The following KCNQ1 variants were observed in gnomAD, a reference collection of about 807,000 sequenced individuals.
The protein encoded by KCNQ1 is potassium voltage-gated channel subfamily KQT member 1.
KCNQ1 carries 49 observed loss-of-function variants against 72.4 expected under a neutral mutation model. That is an observed-to-expected ratio of 0.68 (90% confidence interval 0.54 to 0.86). KCNQ1 has a LOEUF of 0.86. KCNQ1 is among the 40% of genes least tolerant of loss of function. The pLI is 0.00. For missense variants in KCNQ1, 790 were observed against 945.1 expected (o/e 0.84, Z 2.15); for synonymous variants, 450 against 412.6 (o/e 1.09, Z -1.10).
chr11:2,708,364 C>T (rs547716957), intron 11 of KCNQ1, among the ~76,000 whole-genome samples: 1 of 152,318 alleles, frequency 6.6e-6, no homozygotes, highest in South Asian at 2.1e-4. Context: ...CACTTAGGCA[C>T]GTGGTCCTGA....
Position 2,507,804 on chromosome 11 carries a change from G to A in KCNQ1, c.387-20124G>A, listed in dbSNP as rs531647330. On this transcript the variant is annotated intron_variant, in intron 1 of 15. Transcript: ENST00000155840. The surrounding 1 kb of genome is among the most constrained non-coding windows in gnomAD (Gnocchi z 5.4). ...GGTGGGTGGAAGGGCAGAGGGCAAG[G>A]GCCAAGTGATGGCAGCTGTGGAGGC... Among the ~76,000 whole-genome samples, 83 of 152,180 alleles carry A rather than the reference G, an allele frequency of 5.5e-4. No individual in the cohort carries two copies. The highest frequency in any genetic ancestry group is 1.6e-3 in the African/African-American group (68 of 41,518).
At chr11:2,835,403 A>T (rs946605675) in intron 15 of KCNQ1, among the ~76,000 whole-genome samples, 2 of 19,702 alleles carry the variant, frequency 1.0e-4, no homozygotes, top group East Asian at 2.5e-3. Flanking sequence ...TGACTCACAC[A>T]CACACACACA....
chr11:2,500,408 C>T (rs1015334852), intron 1 of KCNQ1, among the ~76,000 whole-genome samples: 7 of 152,262 alleles, frequency 4.6e-5, no homozygotes, highest in African/African-American at 9.6e-5. Flanking sequence ...GAAATAGGAA[C>T]GCTTTTACAC....
At chr11:2,640,252 C>T in intron 10 of KCNQ1, 3 of 397,188 alleles carry the variant, frequency 7.6e-6, no homozygotes, top group Non-Finnish European at 1.3e-5. Context: ...TGAGATGAAC[C>T]CACTACCTCA....
Position 2,527,979 on chromosome 11 carries a change from G to A in KCNQ1, c.438G>A (p.Glu146=). 6.2e-7 allele frequency: 1 copy of A among 1,614,046 alleles called. No individual in the cohort carries two copies. Among genetic ancestry groups the A allele is most frequent in the African/African-American group, 1.3e-5 (1 of 75,044 alleles). ...CLIFSVLSTI[E]QYAALATGTL... ...TCTTCAGCGTGCTGTCCACCATCGA[G>A]CAGTATGCCGCCCTGGCCACGGGGA... The change falls in exon 2 of 16, where the codon GAG becomes GAA. Residue 146 remains glutamate, a synonymous_variant. Transcript: ENST00000155840.
rs1203916866 is a variant in KCNQ1, at chr11:2,547,227, A to ATTAT, written c.477+19224_477+19227dup. Among the ~76,000 whole-genome samples the ATTAT allele has an allele frequency of 3.9e-5, 6 of 151,948 alleles. No individual in the cohort carries two copies. Among genetic ancestry groups the ATTAT allele is most frequent in the Non-Finnish European group, 7.4e-5 (5 of 67,970 alleles). ...AACATTTGGGTAATTAGGAGGTTGT[A>ATTAT]TTATTTATTTATTTATTTTTGCGAA... On this transcript the variant is annotated intron_variant, in intron 2 of 15. Coordinates refer to ENST00000155840, the MANE Select transcript of KCNQ1 (RefSeq NM_000218.3). This position sits in a 1 kb window ranked among gnomAD's most constrained non-coding sequence, Gnocchi z 4.2.
chr11:2,581,197 G>A (rs1407637078), intron 6 of KCNQ1, among the ~76,000 whole-genome samples: 3 of 152,228 alleles, frequency 2.0e-5, no homozygotes, highest in African/African-American at 7.2e-5. Context: ...TTCTAGGCCC[G>A]TTTCTGGGCC....
chr11:2,634,651 T>C (rs1043261192), intron 10 of KCNQ1: 2 of 152,222 alleles, frequency 1.3e-5, no homozygotes, highest in African/African-American at 4.8e-5. Flanking sequence ...CGTGTGCATG[T>C]GTCTTTATAG....
At chr11:2,470,609 ATACG>A (rs1294984132) in intron 1 of KCNQ1, among the ~76,000 whole-genome samples, 1 of 151,188 alleles carries the variant, frequency 6.6e-6, no homozygotes, top group African/African-American at 2.4e-5. Flanking sequence ...GGGTGTGATG[ATACG>A]TATCCAACCG....
Position 2,710,991 on chromosome 11 carries a change from A to G in KCNQ1, c.1514+48910A>G, listed in dbSNP as rs1349803516. ...GAATTTCCATATGAATTTTACAATCAGCTTGTCAATTTCTGCAAAGAAACC... is the reference window on the plus strand; with the variant it reads ...GAATTTCCATATGAATTTTACAATCGGCTTGTCAATTTCTGCAAAGAAACC... On this transcript the variant is annotated intron_variant, in intron 11 of 15. Transcript: ENST00000155840. This position sits in a 1 kb window ranked among gnomAD's most constrained non-coding sequence, Gnocchi z 4.1. Among the ~76,000 whole-genome samples the G allele has an allele frequency of 6.6e-6, 1 of 152,198 alleles. No individual in the cohort carries two copies. The highest frequency in any genetic ancestry group is 1.5e-5 in the Non-Finnish European group (1 of 68,032).
chr11:2,553,364 A>G (rs1848016862), intron 2 of KCNQ1, among the ~76,000 whole-genome samples: 1 of 152,068 alleles, frequency 6.6e-6, no homozygotes, highest in African/African-American at 2.4e-5. Context: ...GAAGTGAGGT[A>G]ATCTTTCACC....
At position 2,659,065 on chromosome 11, in the gene KCNQ1, A is replaced by T. The variant is rs1334276014; in HGVS notation, c.1394-2896A>T. On this transcript the variant is annotated intron_variant, in intron 10 of 15. Coordinates refer to ENST00000155840, the MANE Select transcript of KCNQ1 (RefSeq NM_000218.3). This position sits in a 1 kb window ranked among gnomAD's most constrained non-coding sequence, Gnocchi z 4.3. The stretch of plus-strand genomic sequence containing the variant: ...TATGTCATTTGTTTGTAACACGCTC[A>T]TCATAGTCTGCTTTTCATCGTAGGG... The T allele has an allele frequency of 2.5e-6, 1 of 398,476 alleles. No individual in the cohort carries two copies. The highest frequency in any genetic ancestry group is 4.4e-6 in the Non-Finnish European group (1 of 226,056). 24.7% of individuals were successfully genotyped at this position (398,476 alleles called of 1,614,324 possible).
In KCNQ1 at chr11:2,613,955, A is replaced by G. The variant is rs1394286278; in HGVS notation, c.1393+25101A>G. On this transcript the variant is annotated intron_variant, in intron 10 of 15. Coordinates refer to ENST00000155840, the MANE Select transcript of KCNQ1 (RefSeq NM_000218.3). This position sits in a 1 kb window ranked among gnomAD's most constrained non-coding sequence, Gnocchi z 4.8. ...AACTTTGCTTTTCTCACCTAACAAC[A>G]TCTCCTAGAAATCACTCAACATCCA... The G allele has an allele frequency of 5.0e-6, 2 of 398,464 alleles. No homozygotes were observed. Among genetic ancestry groups the G allele is most frequent in the East Asian group, 3.6e-5 (1 of 28,074 alleles). 24.7% of individuals were successfully genotyped at this position (398,464 alleles called of 1,614,324 possible).
At chr11:2,779,974 CCTGTCAGGCT>C (rs1254749914) in intron 15 of KCNQ1, among the ~76,000 whole-genome samples, 2 of 152,248 alleles carry the variant, frequency 1.3e-5, no homozygotes, top group Non-Finnish European at 2.9e-5. Context: ...ATCCTGGTGC[CCTGTCAGGCT>C]CTGAGCCGGG....
chr11:2,758,014 C>G (rs776726510), intron 11 of KCNQ1, among the ~76,000 whole-genome samples: 1 of 152,152 alleles, frequency 6.6e-6, no homozygotes, highest in Non-Finnish European at 1.5e-5. Context: ...GCAAACAGTT[C>G]TCACATTGGA....
chr11:2,775,329 C>A (rs1361871770), intron 12 of KCNQ1, among the ~76,000 whole-genome samples: 1 of 152,198 alleles, frequency 6.6e-6, no homozygotes, highest in Admixed American at 6.5e-5. Flanking sequence ...GCCCTGGGGT[C>A]CCCTGCCCTG....
chr11:2,559,626 G>A lies in KCNQ1; in HGVS notation c.478-11002G>A, dbSNP rs986989033. Among the ~76,000 whole-genome samples, 8 of 152,152 alleles carry A rather than the reference G, an allele frequency of 5.3e-5. No homozygotes were observed. Among genetic ancestry groups the A allele is most frequent in the Admixed American group, 1.3e-4 (2 of 15,288 alleles). ...ACCCAGCAAGTCCCTTGCCTCTCTCGCTCACCAGGAAGAAGACACGTCCGG... is the reference window on the plus strand; with the variant it reads ...ACCCAGCAAGTCCCTTGCCTCTCTCACTCACCAGGAAGAAGACACGTCCGG... On this transcript the variant is annotated intron_variant, in intron 2 of 15. Transcript: ENST00000155840. The surrounding 1 kb of genome is among the most constrained non-coding windows in gnomAD (Gnocchi z 4.9).
intron 1 of KCNQ1, among the ~76,000 whole-genome samples, chr11:2,503,551 GA>G (rs1847050058): frequency 2.1e-5 from 3 of 139,540 alleles, no homozygotes; most frequent in African/African-American, 5.3e-5. Flanking sequence ...GGGTTGGGGG[GA>G]GGGGGGAGGG....
At chr11:2,512,484 G>A (rs1001278276) in intron 1 of KCNQ1, among the ~76,000 whole-genome samples, 1 of 152,190 alleles carries the variant, frequency 6.6e-6, no homozygotes, top group Non-Finnish European at 1.5e-5. Flanking sequence ...ACGGCCACCT[G>A]GGATGACAAC....
Sources: allele counts gnomAD v4.1 joint callset (sites outside exome capture counted in the v4.1 genomes callset), GRCh38; gene constraint gnomAD v4.1.1; non-coding constraint Gnocchi (gnomAD v3.1); transcripts MANE v1.5; gene names NCBI Gene and HGNC (gene_info 2026-07-23, HGNC 2026-07-21).